GRIN2B: variants seen among roughly 807,000 people sequenced by gnomAD.
GRIN2B encodes the protein glutamate ionotropic receptor NMDA type subunit 2B, also known as glutamate receptor ionotropic, NMDA 2B.
In GRIN2B, 5 loss-of-function variants were observed where a neutral mutation model predicts 114.5. The observed-to-expected ratio is 0.04, with a 90% confidence interval of 0.02 to 0.09. The LOEUF (loss-of-function observed/expected upper bound fraction) is 0.09. GRIN2B is among the 10% of genes least tolerant of loss of function. The pLI, the probability that GRIN2B is intolerant of heterozygous loss-of-function variation, is 1.00. For missense variants in GRIN2B, 1,108 were observed against 1,943.5 expected, an observed-to-expected ratio of 0.57 and a Z score of 8.08; for synonymous variants, 787 against 745.1, an observed-to-expected ratio of 1.06 and a Z score of -0.92.
At chr12:13,829,496 C>T (rs574236494) in intron 3 of GRIN2B, among the ~76,000 whole-genome samples, 1 of 152,298 alleles carries the variant, frequency 6.6e-6, no homozygotes, top group Non-Finnish European at 1.5e-5. Context: ...GTTGCCACTG[C>T]CCTGTCTTTC....
At chr12:13,665,836 C>A (rs900678857) in intron 5 of GRIN2B, among the ~76,000 whole-genome samples, 2 of 152,142 alleles carry the variant, frequency 1.3e-5, no homozygotes, top group Non-Finnish European at 2.9e-5. Context: ...TTCCCAGATC[C>A]TATAGGGAAA....
chr12:13,646,629 T>G (rs1949763563), intron 5 of GRIN2B, among the ~76,000 whole-genome samples: 1 of 151,746 alleles, frequency 6.6e-6, no homozygotes, highest in Non-Finnish European at 1.5e-5. Flanking sequence ...TTTCTTCTTC[T>G]TCCTCTTCCT....
chr12:13,681,514 T>C (rs1950131309), intron 4 of GRIN2B, among the ~76,000 whole-genome samples: 1 of 151,656 alleles, frequency 6.6e-6, no homozygotes, highest in Non-Finnish European at 1.5e-5. Flanking sequence ...TGCAATTTTC[T>C]GGCTCTGAAA....
chr12:13,932,990 T>C (rs1375271253), intron 2 of GRIN2B, among the ~76,000 whole-genome samples: 4 of 145,396 alleles, frequency 2.8e-5, no homozygotes, highest in Admixed American at 6.8e-5. Flanking sequence ...TGTGTGTGCG[T>C]GTGCGTGTGT....
At chr12:13,596,326 G>A (rs1027799164) in intron 10 of GRIN2B, among the ~76,000 whole-genome samples, 2 of 152,250 alleles carry the variant, frequency 1.3e-5, no homozygotes, top group African/African-American at 2.4e-5. Flanking sequence ...TGTGGTGCTA[G>A]TGATAAGCTG....
intron 10 of GRIN2B, among the ~76,000 whole-genome samples, chr12:13,576,336 T>C (rs1435254894): frequency 1.3e-5 from 2 of 151,246 alleles, no homozygotes; most frequent in African/African-American, 4.9e-5. Flanking sequence ...GGCACTTGCT[T>C]AGCCTGAGTG....
At chr12:13,946,025 G>A (rs1867356838) in intron 2 of GRIN2B, among the ~76,000 whole-genome samples, 1 of 152,132 alleles carries the variant, frequency 6.6e-6, no homozygotes, top group Admixed American at 6.5e-5. Flanking sequence ...TATGATGTTA[G>A]ACAACCCCAT....
At chr12:13,752,507 T>C (rs1215515423) in intron 4 of GRIN2B, among the ~76,000 whole-genome samples, 1 of 152,212 alleles carries the variant, frequency 6.6e-6, no homozygotes, top group Non-Finnish European at 1.5e-5. Flanking sequence ...TATGTTCTAT[T>C]TAGTTTGAAT....
intron 4 of GRIN2B, among the ~76,000 whole-genome samples, chr12:13,704,244 G>A (rs919640940): frequency 2.0e-5 from 3 of 152,088 alleles, no homozygotes; most frequent in African/African-American, 7.2e-5. Flanking sequence ...TAGCCAGATG[G>A]GGGCTACACC....
chr12:13,657,277 A>G (rs993659452), intron 5 of GRIN2B, among the ~76,000 whole-genome samples: 2 of 152,222 alleles, frequency 1.3e-5, no homozygotes, highest in African/African-American at 4.8e-5. Flanking sequence ...GGATATTCCA[A>G]GAATCAGCTT....
intron 3 of GRIN2B, among the ~76,000 whole-genome samples, chr12:13,756,796 C>T (rs1861452): frequency 0.13 from 19,311 of 152,124 alleles, 1,321 homozygotes; most frequent in Non-Finnish European, 0.15. Context: ...ACAAAAGCCA[C>T]GGGGGTCCAT....
At chr12:13,785,270 A>G (rs2136659334) in intron 3 of GRIN2B, among the ~76,000 whole-genome samples, 1 of 152,166 alleles carries the variant, frequency 6.6e-6, no homozygotes, top group East Asian at 1.9e-4. Context: ...CCTTGTTTTA[A>G]CCCCATCTGC....
intron 2 of GRIN2B, among the ~76,000 whole-genome samples, chr12:13,873,172 C>T (rs1865939363): frequency 6.6e-6 from 1 of 152,064 alleles, no homozygotes; most frequent in Non-Finnish European, 1.5e-5. Flanking sequence ...AGTTCCAAGT[C>T]AATTAAAGTT....
intron 2 of GRIN2B, among the ~76,000 whole-genome samples, chr12:13,887,714 T>C (rs1442293898): frequency 6.6e-6 from 1 of 152,214 alleles, no homozygotes; most frequent in Non-Finnish European, 1.5e-5. Flanking sequence ...TGAAGACTGA[T>C]GGTTTGTGGA....
intron 3 of GRIN2B, among the ~76,000 whole-genome samples, chr12:13,824,904 C>G (rs906515203): frequency 4.9e-5 from 7 of 143,168 alleles, no homozygotes; most frequent in African/African-American, 1.8e-4. Flanking sequence ...TACTGATTTT[C>G]TTTAATTTGT....
At chr12:13,790,622 T>C (rs1013085142) in intron 3 of GRIN2B, among the ~76,000 whole-genome samples, 7 of 152,324 alleles carry the variant, frequency 4.6e-5, no homozygotes, top group African/African-American at 1.4e-4. Flanking sequence ...ATAATAGTCA[T>C]CTCCCATGAA....
chr12:13,953,683 C>G (rs1867536731), intron 2 of GRIN2B, among the ~76,000 whole-genome samples: 1 of 152,128 alleles, frequency 6.6e-6, no homozygotes, highest in African/African-American at 2.4e-5. Context: ...GTATCTCCTC[C>G]CTGACTGACA....
chr12:13,594,879 G>C (rs570678932), intron 10 of GRIN2B, among the ~76,000 whole-genome samples: 1 of 152,306 alleles, frequency 6.6e-6, no homozygotes, highest in East Asian at 1.9e-4. Context: ...CTGGAGAACT[G>C]CTGTGCTTCC....
intron 3 of GRIN2B, among the ~76,000 whole-genome samples, chr12:13,859,748 C>T (rs1393905451): frequency 1.3e-5 from 2 of 152,204 alleles, no homozygotes; most frequent in East Asian, 3.8e-4. Context: ...TTAGTTTCCC[C>T]ATCAAGAAAG....
Sources: gnomAD v4.1 joint callset for allele counts (sites outside exome capture counted in the v4.1 genomes callset) on GRCh38, gnomAD v4.1.1 for gene constraint, MANE v1.5 for transcripts, NCBI Gene and HGNC (gene_info 2026-07-23, HGNC 2026-07-21) for gene names.